SIGLEC10: variants seen among roughly 807,000 people sequenced by gnomAD.
SIGLEC10 encodes the protein sialic acid binding Ig like lectin 10, also known as sialic acid-binding Ig-like lectin 10.
SIGLEC10 carries 45 observed loss-of-function variants against 68.3 expected under a neutral mutation model. The observed-to-expected ratio is 0.66, with a 90% confidence interval of 0.52 to 0.84. SIGLEC10 has a LOEUF of 0.84. Among genes scored for constraint, SIGLEC10 ranks in the 40% least tolerant of loss-of-function variants. The pLI is 0.00. For synonymous variants in SIGLEC10, 379 were observed against 370.8 expected (o/e 1.02, Z -0.26); for missense variants, 789 against 883.1 (o/e 0.89, Z 1.35).
chr19:51,410,774 A>G lies in SIGLEC10; in HGVS notation c.*325T>C. ...AGTGATTCTCCTGCCTCAGCTTCCC[A>G]AGTAGGTAGGATTACAGGCGCCTGC... On this transcript the variant is annotated 3_prime_UTR_variant, in exon 11 of 11. Transcript: ENST00000339313. 1 of 203,236 alleles carries G rather than the reference A, an allele frequency of 4.9e-6. No individual in the cohort carries two copies. The highest frequency in any genetic ancestry group is 1.0e-5 in the Non-Finnish European group (1 of 99,442). The allele number at this position is 203,236 out of a possible 1,614,324, so 12.6% of individuals were successfully genotyped here.
intron 6 of SIGLEC10, 45 bp downstream of exon 6, chr19:51,415,523 C>G: frequency 6.2e-7 from 1 of 1,614,060 alleles, no homozygotes; most frequent in Non-Finnish European, 8.5e-7. Flanking sequence ...CCTGGGCCCC[C>G]AATTCGGCAC....
Position 51,410,973 on chromosome 19 carries a change from A to AG in SIGLEC10, c.*125_*126insC. 1 of 1,144,510 alleles carries AG rather than the reference A, an allele frequency of 8.7e-7. No homozygotes were observed. 70.9% of individuals were successfully genotyped at this position (1,144,510 alleles called of 1,614,324 possible). A position where few individuals can be genotyped will look rare whatever the true frequency, so the allele number is the denominator to read the frequency against. On this transcript the variant is annotated 3_prime_UTR_variant, in exon 11 of 11. Transcript: ENST00000339313. ...CCAGATGTTTTTTTAAAAGAGAGAG[A>AG]AAGAGAGAGAGAGAGAGAAAGAGAG...
Position 51,415,078 on chromosome 19 carries a change from G to C in SIGLEC10, c.1361C>G (p.Ser454Cys). The change falls in exon 8 of 11, where the codon TCC becomes TGC. Residue 454 changes from serine to cysteine, a missense_variant. Physicochemically the swap from Ser to Cys is moderately radical, Grantham distance 112 (BLOSUM62 -1). Coordinates refer to ENST00000339313, the MANE Select transcript of SIGLEC10 (RefSeq NM_033130.5). ...YSPKLLGPSCSWEAEGLHCSC... is the reference protein window; with the variant it reads ...YSPKLLGPSCCWEAEGLHCSC... ...GCAGTGCAGACCCTCAGCCTCCCAGGAGCAGGAGGGGCCCAGCAGCTTCGG... is the reference window on the plus strand; with the variant it reads ...GCAGTGCAGACCCTCAGCCTCCCAGCAGCAGGAGGGGCCCAGCAGCTTCGG... The C allele has an allele frequency of 6.3e-7, 1 of 1,581,874 alleles. No individual in the cohort carries two copies. Among genetic ancestry groups the C allele is most frequent in the Non-Finnish European group, 8.6e-7 (1 of 1,165,146 alleles).
rs1987966154 is a variant in SIGLEC10 at position 51,411,162 on chromosome 19, G to C, written c.2031C>G (p.Pro677=). ...CCTTGGGCATCCGGGCCTCAGGCCT[G>C]GGTCTGACGCCTGGGAAGTTGAGCG... ...YATLNFPGVR[P]RPEARMPKGT... Residue 677 remains proline, a synonymous_variant, in exon 11 of 11, where the codon CCC becomes CCG. Coordinates refer to ENST00000339313, the MANE Select transcript of SIGLEC10 (RefSeq NM_033130.5). 1 of 1,614,108 alleles carries C rather than the reference G, an allele frequency of 6.2e-7. No individual in the cohort carries two copies. The highest frequency in any genetic ancestry group is 1.7e-5 in the Admixed American group (1 of 60,010).
Position 51,414,435 on chromosome 19 carries a change from G to A in SIGLEC10, c.1696C>T (p.Leu566=). The change falls in exon 9 of 11, where the codon CTG becomes TTG. Residue 566 remains leucine, a synonymous_variant. Coordinates refer to ENST00000339313, the MANE Select transcript of SIGLEC10 (RefSeq NM_033130.5). This position sits in a 1 kb window ranked among gnomAD's most constrained non-coding sequence, Gnocchi z 4.1. ...CTCTTAACCTACATGATCAGGGCCA[G>A]GCAGAGGAAAAGAAGAGCCGTGATG... The part of the protein sequence containing the change: ...IGITALLFLC[L]ALIIMKILPK... 6.2e-7 allele frequency: 1 copy of A among 1,613,834 alleles called. No individual in the cohort carries two copies. Among genetic ancestry groups the A allele is most frequent in the Non-Finnish European group, 8.5e-7 (1 of 1,179,904 alleles).
Position 51,416,928 on chromosome 19 carries a change from G to C in SIGLEC10, c.444C>G (p.Val148=), listed in dbSNP as rs1800391860. Residue 148 remains valine, a synonymous_variant, in exon 3 of 11, where the codon GTC becomes GTG. Coordinates refer to ENST00000339313, the MANE Select transcript of SIGLEC10 (RefSeq NM_033130.5). ...KVTALTQKPD[V]YIPETLEPGQ... Reference sequence around the variant, plus strand: ...CGGGCTCCAGGGTCTCGGGGATGTAGACATCAGGCTTCTGAGTCAGGGCTG... The same window carrying C: ...CGGGCTCCAGGGTCTCGGGGATGTACACATCAGGCTTCTGAGTCAGGGCTG... The C allele has an allele frequency of 6.2e-7, 1 of 1,613,274 alleles. No homozygotes were observed. Among genetic ancestry groups the C allele is most frequent in the African/African-American group, 1.3e-5 (1 of 75,018 alleles).
Position 51,415,614 on chromosome 19 carries a change from A to G in SIGLEC10, c.1026T>C (p.Tyr342=). The change falls in exon 6 of 11, where the codon TAT becomes TAC. Residue 342 remains tyrosine (Y), a splice_region_variant and synonymous_variant. Transcript: ENST00000339313. ...CCATCACTCTCAGGTTCTCTGGAGG[A>G]TCTGAAATGGAGACAGGGGACCGGC... is the stretch of plus-strand genomic sequence containing the variant. ...QQRALDLSVQ[Y]PPENLRVMVS... The G allele has an allele frequency of 6.2e-7, 1 of 1,613,852 alleles. No individual in the cohort carries two copies.
At position 51,414,339 on chromosome 19, in the gene SIGLEC10, C is replaced by T. The variant is rs1485916514; in HGVS notation, c.1709+83G>A. On this transcript the variant is annotated intron_variant, in intron 9 of 10. Coordinates refer to ENST00000339313, the MANE Select transcript of SIGLEC10 (RefSeq NM_033130.5). The surrounding 1 kb of genome is among the most constrained non-coding windows in gnomAD (Gnocchi z 4.1). ...CTCCAGAGGTATACTGCGTTGATCA[C>T]GACCTTCACTCTTTCGGCCTGCAAC... 2.9e-5 allele frequency: 34 copies of T among 1,158,988 alleles called. No homozygotes were observed. The Admixed American group carries it at 4.1e-4, about 14-fold the overall frequency. 71.8% of individuals were successfully genotyped at this position (1,158,988 alleles called of 1,614,324 possible).
chr19:51,417,604 C>T lies in SIGLEC10; in HGVS notation c.-23G>A, dbSNP rs753144350. On this transcript the variant is annotated 5_prime_UTR_variant, in exon 1 of 11. Transcript: ENST00000339313. The stretch of plus-strand genomic sequence containing the variant: ...CATCTCCGCATAGGAGGCGCAGGGC[C>T]TGCCTGAGACAGGCCTGTTCTCTGG... 1.1e-5 allele frequency: 17 copies of T among 1,614,028 alleles called. No homozygotes were observed. Among genetic ancestry groups the T allele is most frequent in the Non-Finnish European group, 1.4e-5 (17 of 1,179,884 alleles).
chr19:51,414,240 G>T lies in SIGLEC10; in HGVS notation c.1709+182C>A. The T allele has an allele frequency of 1.6e-6, 1 of 617,048 alleles. No individual in the cohort carries two copies. Among genetic ancestry groups the T allele is most frequent in the Non-Finnish European group, 2.9e-6 (1 of 349,696 alleles). 38.2% of individuals were successfully genotyped at this position (617,048 alleles called of 1,614,324 possible). ...CGTGACTGCCCTCAGCATTCCCTCT[G>T]GGAAGCAGACGCAGTTTGTCAGTTG... On this transcript the variant is annotated intron_variant, in intron 9 of 10. Transcript: ENST00000339313. This position sits in a 1 kb window ranked among gnomAD's most constrained non-coding sequence, Gnocchi z 4.1.
rs1237551975 is a variant in SIGLEC10, at chr19:51,411,322, A to G, written c.1871T>C (p.Leu624Pro). 6 of 1,614,166 alleles carry G rather than the reference A, an allele frequency of 3.7e-6. No individual in the cohort carries two copies. Among genetic ancestry groups the G allele is most frequent in the Non-Finnish European group, 4.2e-6 (5 of 1,180,028 alleles). ...KATPNSPRTP[L>P]PPGAPSPESK... ...TTCTGGGGAGGGAGCACCTGGTGGA[A>G]GAGGGGTCCGAGGACTGTTTGGTGT... The change falls in exon 11 of 11, where the codon CTT (leucine) becomes CCT (proline). Residue 624 changes from leucine to proline, a missense_variant. By Grantham distance (98) the Leu-to-Pro change is moderately conservative. Transcript: ENST00000339313.
In SIGLEC10 at chr19:51,417,198, G is replaced by A; in HGVS notation, c.305C>T (p.Ser102Phe). 1 of 1,614,212 alleles carries A rather than the reference G, an allele frequency of 6.2e-7. No homozygotes were observed. The highest frequency in any genetic ancestry group is 8.5e-7 in the Non-Finnish European group (1 of 1,180,034). ...CATCTGCGCGTCTCTGATCACCAAG[G>A]AGCAGTTCCCCTTGGCGGGATCCCC... ...LTGDPAKGNCSLVIRDAQMQD... is the reference protein window; with the variant it reads ...LTGDPAKGNCFLVIRDAQMQD... Residue 102 changes from serine (S) to phenylalanine (F), a missense_variant, in exon 2 of 11, where the codon TCC becomes TTC. Coordinates refer to ENST00000339313, the MANE Select transcript of SIGLEC10 (RefSeq NM_033130.5).
chr19:51,412,233 A>C (rs1988081991), intron 10 of SIGLEC10, among the ~76,000 whole-genome samples: 1 of 152,078 alleles, frequency 6.6e-6, no homozygotes, highest in African/African-American at 2.4e-5. Flanking sequence ...GGAAGCAGAG[A>C]AGGCATGCAG....
Position 51,416,145 on chromosome 19 carries a change from T to A in SIGLEC10, c.777A>T (p.Gly259=). The change falls in exon 5 of 11, where the codon GGA becomes GGT. Residue 259 remains glycine (G), a synonymous_variant. Transcript: ENST00000339313. ...NTPALEPQPQ[G]NVPYLEAQKG... ...TTTGGGCTTCCAGGTATGGGACATTTCCCTGGGGCTGGGGCTCCAGGGCTG... is the reference window on the plus strand; with the variant it reads ...TTTGGGCTTCCAGGTATGGGACATTACCCTGGGGCTGGGGCTCCAGGGCTG... 3 of 1,608,534 alleles carry A rather than the reference T, an allele frequency of 1.9e-6. No individual in the cohort carries two copies. The highest frequency in any genetic ancestry group is 2.5e-6 in the Non-Finnish European group (3 of 1,177,698).
Position 51,415,023 on chromosome 19 carries a change from G to T in SIGLEC10, c.1416C>A (p.Pro472=), listed in dbSNP as rs775265473. ...CCTCCCCAAGCCACCAGCGCAGAGA[G>T]GGGGCCGGGCTGGCCTGGGAGGAGC... is the stretch of plus-strand genomic sequence containing the variant. ...CSCSSQASPA[P]SLRWWLGEEL... Residue 472 remains proline, a synonymous_variant, in exon 8 of 11, where the codon CCC becomes CCA. Coordinates refer to ENST00000339313, the MANE Select transcript of SIGLEC10 (RefSeq NM_033130.5). 6.2e-7 allele frequency: 1 copy of T among 1,610,194 alleles called. No individual in the cohort carries two copies. The highest frequency in any genetic ancestry group is 1.3e-5 in the African/African-American group (1 of 74,808).
At position 51,414,997 on chromosome 19, in the gene SIGLEC10, T is replaced by C. The variant is rs1220520312; in HGVS notation, c.1442A>G (p.Glu481Gly). ...CTGGCTGCTGTTCCCCTCCAGCAGC[T>C]CCTCCCCAAGCCACCAGCGCAGAGA... is the stretch of plus-strand genomic sequence containing the variant. ...APSLRWWLGE[E>G]LLEGNSSQDS... Residue 481 changes from glutamate (E) to glycine (G), a missense_variant, in exon 8 of 11, where the codon GAG becomes GGG. Coordinates refer to ENST00000339313, the MANE Select transcript of SIGLEC10 (RefSeq NM_033130.5). The surrounding 1 kb of genome is among the most constrained non-coding windows in gnomAD (Gnocchi z 4.1). The C allele has an allele frequency of 1.9e-6, 3 of 1,612,334 alleles. No individual in the cohort carries two copies. The highest frequency in any genetic ancestry group is 2.5e-6 in the Non-Finnish European group (3 of 1,179,730).
Position 51,417,221 on chromosome 19 carries a change from C to T in SIGLEC10, c.282G>A (p.Gly94=), listed in dbSNP as rs953911507. The T allele has an allele frequency of 6.2e-7, 1 of 1,614,250 alleles. No homozygotes were observed. Among genetic ancestry groups the T allele is most frequent in the Non-Finnish European group, 8.5e-7 (1 of 1,180,038 alleles). Residue 94 remains glycine, a synonymous_variant, in exon 2 of 11, where the codon GGG becomes GGA. Coordinates refer to ENST00000339313, the MANE Select transcript of SIGLEC10 (RefSeq NM_033130.5). The part of the protein sequence containing the change: ...MSTRGRFQLT[G]DPAKGNCSLV... ...AGGAGCAGTTCCCCTTGGCGGGATC[C>T]CCAGTGAGCTGGAATCGGCCCCGGG...
intron 10 of SIGLEC10, among the ~76,000 whole-genome samples, chr19:51,413,155 C>T (rs994447633): frequency 4.6e-5 from 7 of 151,954 alleles, no homozygotes; most frequent in Non-Finnish European, 1.0e-4. Context: ...AGAGTATTAC[C>T]CAGGGGCCAG....
In SIGLEC10 at chr19:51,414,378, C is replaced by T; in HGVS notation, c.1709+44G>A. On this transcript the variant is annotated intron_variant, in intron 9 of 10. Transcript: ENST00000339313. The surrounding 1 kb of genome is among the most constrained non-coding windows in gnomAD (Gnocchi z 4.1). ...TCGGCCTGCAACACCTCCCCTCTTC[C>T]TGGGTCCAGGCCCCAGACCCCGCCA... The T allele has an allele frequency of 6.4e-7, 1 of 1,555,458 alleles. No homozygotes were observed. Among genetic ancestry groups the T allele is most frequent in the Non-Finnish European group, 8.8e-7 (1 of 1,134,200 alleles).
Sources: allele counts gnomAD v4.1 joint callset (sites outside exome capture counted in the v4.1 genomes callset), GRCh38; gene constraint gnomAD v4.1.1; non-coding constraint Gnocchi (gnomAD v3.1); transcripts MANE v1.5; gene names NCBI Gene and HGNC (gene_info 2026-07-23, HGNC 2026-07-21).